TRAPPC9: variants seen among roughly 807,000 people sequenced by gnomAD.
TRAPPC9 encodes the protein trafficking protein particle complex subunit 9.
Under a neutral mutation model 124.0 loss-of-function variants are expected in TRAPPC9, and 83 were observed. The observed-to-expected ratio is 0.67, with a 90% CI of 0.56 to 0.80. The LOEUF is 0.80. Among genes scored for constraint, TRAPPC9 ranks in the 30% least tolerant of loss-of-function variants. The pLI is 0.00. For synonymous variants in TRAPPC9, 638 were observed against 617.5 expected (o/e 1.03, Z -0.49); for missense variants, 1,302 against 1,508.3 (o/e 0.86, Z 2.27).
intron 17 of TRAPPC9, among the ~76,000 whole-genome samples, chr8:140,084,884 A>G (rs764687693): frequency 1.1e-4 from 17 of 152,234 alleles, no homozygotes; most frequent in Non-Finnish European, 4.4e-5. Context: ...GAGTAAGTGT[A>G]TCATTAGGCT....
chr8:139,806,759 A>G (rs1824094427), intron 21 of TRAPPC9, among the ~76,000 whole-genome samples: 1 of 152,258 alleles, frequency 6.6e-6, no homozygotes, highest in Non-Finnish European at 1.5e-5. Context: ...CAGCAGCTGC[A>G]GGATTCACAC....
At chr8:140,002,844 CAAAAAA>C (rs56895763) in intron 18 of TRAPPC9, among the ~76,000 whole-genome samples, 16 of 68,810 alleles carry the variant, frequency 2.3e-4, no homozygotes, top group African/African-American at 5.3e-4. Flanking sequence ...TTCCACTTAT[CAAAAAA>C]AAAAAAAAAA....
chr8:140,086,135 C>G (rs989515225), intron 17 of TRAPPC9, among the ~76,000 whole-genome samples: 5 of 152,180 alleles, frequency 3.3e-5, no homozygotes, highest in African/African-American at 4.8e-5. Flanking sequence ...CAAAGCCTAA[C>G]CAGGGCTTGG....
chr8:140,315,467 A>T (rs2066420263), intron 9 of TRAPPC9, among the ~76,000 whole-genome samples: 1 of 152,134 alleles, frequency 6.6e-6, no homozygotes. Flanking sequence ...TGTGTTCAAG[A>T]TTAAAATTTT....
intron 19 of TRAPPC9, among the ~76,000 whole-genome samples, chr8:139,972,422 T>C (rs6981165): frequency 0.13 from 19,754 of 152,182 alleles, 1,800 homozygotes; most frequent in East Asian, 0.41. Context: ...AACCGTATTT[T>C]AGGAGGCTCT....
At chr8:140,046,645 A>C (rs565743915) in intron 17 of TRAPPC9, among the ~76,000 whole-genome samples, 44 of 152,376 alleles carry the variant, frequency 2.9e-4, no homozygotes, top group African/African-American at 1.0e-3. Flanking sequence ...GCCCTGCTAC[A>C]TCCAAGAAAG....
At chr8:139,791,283 C>T (rs1822644599) in intron 21 of TRAPPC9, among the ~76,000 whole-genome samples, 2 of 151,696 alleles carry the variant, frequency 1.3e-5, no homozygotes, top group South Asian at 4.2e-4. Flanking sequence ...GCGCCCGTCT[C>T]CCCTGCACAG....
intron 18 of TRAPPC9, among the ~76,000 whole-genome samples, chr8:140,023,287 G>T (rs1839926064): frequency 6.6e-6 from 1 of 152,198 alleles, no homozygotes; most frequent in Non-Finnish European, 1.5e-5. Flanking sequence ...CATCACCAGA[G>T]GGGAAAGTTC....
chr8:139,931,245 G>A (rs1324629078), intron 19 of TRAPPC9: 1 of 152,230 alleles, frequency 6.6e-6, no homozygotes, highest in Non-Finnish European at 1.5e-5. Context: ...AGCTGCAGTA[G>A]AGCCGAGCAT....
At chr8:139,733,028 C>T (rs540766816) in intron 21 of TRAPPC9, among the ~76,000 whole-genome samples, 51 of 151,672 alleles carry the variant, frequency 3.4e-4, no homozygotes, top group Non-Finnish European at 6.5e-4. Flanking sequence ...CTCAGGGAAG[C>T]GAGCTGATGA....
chr8:139,888,459 A>C (rs1830147070), intron 20 of TRAPPC9, among the ~76,000 whole-genome samples: 1 of 152,170 alleles, frequency 6.6e-6, no homozygotes, highest in Non-Finnish European at 1.5e-5. Context: ...TGTGGGTAGC[A>C]TTAAGTAAGT....
intron 21 of TRAPPC9, among the ~76,000 whole-genome samples, chr8:139,811,919 G>C (rs1824470573): frequency 6.6e-6 from 1 of 152,194 alleles, no homozygotes; most frequent in Non-Finnish European, 1.5e-5. Context: ...AACTGATAAA[G>C]AGAAAGGCAG....
intron 13 of TRAPPC9, among the ~76,000 whole-genome samples, 173 bp from the exon 14 acceptor site, chr8:140,284,194 T>C (rs1422339120): frequency 6.6e-6 from 1 of 152,220 alleles, no homozygotes; most frequent in African/African-American, 2.4e-5. Flanking sequence ...CGACCCTCAC[T>C]GTCCTCGTAC....
intron 21 of TRAPPC9, among the ~76,000 whole-genome samples, chr8:139,757,233 G>C (rs537638685): frequency 1.5e-5 from 2 of 131,750 alleles, no homozygotes; most frequent in African/African-American, 6.2e-5. Context: ...ACAGCATGTC[G>C]CAGGAGGAGC....
At chr8:139,870,238 C>T (rs976246966) in intron 21 of TRAPPC9, among the ~76,000 whole-genome samples, 5 of 152,174 alleles carry the variant, frequency 3.3e-5, no homozygotes, top group South Asian at 2.1e-4. Context: ...GGACCCATGC[C>T]GCACTCACCT....
intron 19 of TRAPPC9, among the ~76,000 whole-genome samples, chr8:139,928,082 C>T (rs993919962): frequency 2.6e-5 from 4 of 152,350 alleles, no homozygotes; most frequent in South Asian, 4.1e-4. Flanking sequence ...AGGGTTTACT[C>T]TTCCACAATA....
intron 17 of TRAPPC9, among the ~76,000 whole-genome samples, chr8:140,079,059 G>A (rs866125848): frequency 4.6e-5 from 7 of 152,092 alleles, no homozygotes; most frequent in Admixed American, 1.3e-4. Flanking sequence ...TGCTGTTTTC[G>A]TGATGGTGAA....
intron 17 of TRAPPC9, among the ~76,000 whole-genome samples, chr8:140,060,984 G>T (rs1842574087): frequency 6.6e-6 from 1 of 152,224 alleles, no homozygotes; most frequent in Non-Finnish European, 1.5e-5. Flanking sequence ...TTACAGGTCA[G>T]CATTTCCCAG....
chr8:139,741,033 A>G (rs569881190), intron 21 of TRAPPC9, among the ~76,000 whole-genome samples: 148 of 152,232 alleles, frequency 9.7e-4, no homozygotes, highest in African/African-American at 2.8e-3. Context: ...TGTGACCCCA[A>G]TGAGCCCCAA....
Sources: allele counts gnomAD v4.1 joint callset (sites outside exome capture counted in the v4.1 genomes callset), GRCh38; gene constraint gnomAD v4.1.1; transcripts MANE v1.5; gene names NCBI Gene and HGNC (gene_info 2026-07-23, HGNC 2026-07-21).